The following NUP214 variants were observed in gnomAD, a reference collection of about 807,000 sequenced individuals.
NUP214 encodes nuclear pore complex protein Nup214.
A neutral mutation model predicts 196.2 loss-of-function variants in NUP214; 79 were observed. The observed-to-expected ratio is 0.40, with a 90% CI of 0.34 to 0.49. The LOEUF (loss-of-function observed/expected upper bound fraction) is 0.49. Ranked by LOEUF, NUP214 falls within the 20% of genes least tolerant of loss-of-function variation. The pLI is 0.58. For synonymous variants in NUP214, 1,020 were observed against 990.5 expected (o/e 1.03, Z -0.56); for missense variants, 2,468 against 2,539.0 (o/e 0.97, Z 0.60).
At chr9:131,131,516 G>C (rs189440339) in intron 5 of NUP214, among the ~76,000 whole-genome samples, 1 of 152,230 alleles carries the variant, frequency 6.6e-6, no homozygotes, top group Non-Finnish European at 1.5e-5. Flanking sequence ...GGAGCAGAGT[G>C]GTGAATGTAG....
chr9:131,201,064 TG>T (rs1564207772), intron 29 of NUP214, among the ~76,000 whole-genome samples: 2 of 148,922 alleles, frequency 1.3e-5, no homozygotes, highest in Admixed American at 6.8e-5. Context: ...CAATGAAAAA[TG>T]GTCTTTAAAG....
At chr9:131,148,676 C>T (rs944758707) in intron 14 of NUP214, among the ~76,000 whole-genome samples, 1 of 152,032 alleles carries the variant, frequency 6.6e-6, no homozygotes, top group African/African-American at 2.4e-5. Flanking sequence ...TGATTATTGG[C>T]CATTTGAATA....
At chr9:131,197,074 A>T in intron 28 of NUP214, 142 bp from the exon 29 acceptor site, 1 of 1,133,036 alleles carries the variant, frequency 8.8e-7, no homozygotes, top group Non-Finnish European at 1.2e-6. Flanking sequence ...CCACCTCCTT[A>T]GAGAAAGCTG....
At chr9:131,134,844 G>C in intron 7 of NUP214, 54 bp from the exon 8 acceptor site, 1 of 1,060,804 alleles carries the variant, frequency 9.4e-7, no homozygotes, top group Non-Finnish European at 1.5e-6. Flanking sequence ...TTTTGCTGTG[G>C]GATCTGAGAA....
At chr9:131,153,846 C>G (rs1168131300) in intron 17 of NUP214, among the ~76,000 whole-genome samples, 2 of 152,166 alleles carry the variant, frequency 1.3e-5, no homozygotes, top group Admixed American at 6.5e-5. Context: ...ACAATTCACT[C>G]GGGTTTGCAA....
intron 17 of NUP214, among the ~76,000 whole-genome samples, chr9:131,156,793 C>G (rs761456643): frequency 6.6e-6 from 1 of 152,042 alleles, no homozygotes; most frequent in Non-Finnish European, 1.5e-5. Context: ...GTTTGACTTT[C>G]TCTTTATCAG....
intron 5 of NUP214, among the ~76,000 whole-genome samples, chr9:131,131,869 T>C (rs1207000208): frequency 6.6e-6 from 1 of 151,740 alleles, no homozygotes; most frequent in Admixed American, 6.6e-5. Flanking sequence ...TTGTATTTTT[T>C]GTAGAGATAG....
rs10706351 is a variant in NUP214, at chr9:131,173,355, C to CTT, written c.2894-677_2894-676dup. On this transcript the variant is annotated intron_variant, in intron 21 of 35. Coordinates refer to ENST00000359428, the MANE Select transcript of NUP214 (RefSeq NM_005085.4). ...ACAGGCTTGAGCCACTGCACCCAGC[C>CTT]TTTTTTTTTTTTTTTTTTTTTTTTG... Among the ~76,000 whole-genome samples, 320 of 38,162 alleles carry CTT rather than the reference C, an allele frequency of 8.4e-3. 4 individuals are homozygous for CTT. The highest frequency in any genetic ancestry group is 0.027 in the African/African-American group (263 of 9,590). 25.0% of individuals were successfully genotyped at this position (38,162 alleles called of 152,430 possible). A position where few individuals can be genotyped will look rare whatever the true frequency, so the allele number is the denominator to read the frequency against.
chr9:131,138,228 G>A (rs1220099396), intron 9 of NUP214, among the ~76,000 whole-genome samples: 3 of 102,616 alleles, frequency 2.9e-5, no homozygotes, highest in African/African-American at 3.8e-5. Flanking sequence ...CCTCCCCTCC[G>A]CTCTCCTCCC....
chr9:131,147,492 C>G lies in NUP214; in HGVS notation c.1948C>G (p.Arg650Gly). The G allele has an allele frequency of 6.2e-7, 1 of 1,606,734 alleles. No individual in the cohort carries two copies. Among genetic ancestry groups the G allele is most frequent in the East Asian group, 2.2e-5 (1 of 44,720 alleles). Reference sequence around the variant, plus strand: ...TAACTGACTTCTTTTTCAAGCAGGACGATCTGCTCAGGGCAGTTCAAGCCC... The same window carrying G: ...TAACTGACTTCTTTTTCAAGCAGGAGGATCTGCTCAGGGCAGTTCAAGCCC... The part of the protein sequence containing the change: ...KSSVLPSPSG[R>G]SAQGSSSPVP... Residue 650 changes from arginine (R) to glycine (G), a missense_variant and splice_region_variant, in exon 14 of 36, where the codon CGA becomes GGA. Physicochemically the swap from Arg to Gly is moderately radical, Grantham distance 125. This residue lies in a region of NUP214 where 1,801 missense variants were observed against 1,779.4 expected (regional missense o/e 1.01). Coordinates refer to ENST00000359428, the MANE Select transcript of NUP214 (RefSeq NM_005085.4).
chr9:131,178,210 TC>T, intron 23 of NUP214, 100 bp from the exon 24 acceptor site: 1 of 809,288 alleles, frequency 1.2e-6, no homozygotes. Flanking sequence ...AAGGCTCTAA[TC>T]TGCTTGGGCT....
intron 23 of NUP214, among the ~76,000 whole-genome samples, chr9:131,176,821 T>G (rs1442935765): frequency 6.6e-6 from 1 of 152,160 alleles, no homozygotes; most frequent in Non-Finnish European, 1.5e-5. Context: ...TATCACTAGT[T>G]ATCAGTTTTA....
intron 31 of NUP214, among the ~76,000 whole-genome samples, chr9:131,219,053 G>C (rs532201220): frequency 2.0e-5 from 3 of 152,170 alleles, no homozygotes; most frequent in African/African-American, 7.2e-5. Flanking sequence ...AAATCCTGCA[G>C]CCCTTGGATT....
At chr9:131,214,674 G>A (rs1162812240) in intron 30 of NUP214, among the ~76,000 whole-genome samples, 1 of 152,136 alleles carries the variant, frequency 6.6e-6, no homozygotes, top group African/African-American at 2.4e-5. Flanking sequence ...ACAGAATTCA[G>A]CTTTGGTCAT....
chr9:131,134,314 A>G (rs1431464563), intron 7 of NUP214, among the ~76,000 whole-genome samples: 1 of 152,204 alleles, frequency 6.6e-6, no homozygotes, highest in Non-Finnish European at 1.5e-5. Flanking sequence ...GATGGAGAAA[A>G]TAAAGCCGTG....
intron 28 of NUP214, among the ~76,000 whole-genome samples, chr9:131,196,304 G>A (rs960793634): frequency 2.0e-5 from 3 of 151,670 alleles, no homozygotes; most frequent in East Asian, 1.9e-4. Context: ...GATTACAGGC[G>A]CCCACCACCA....
chr9:131,151,876 G>A lies in NUP214; in HGVS notation c.2418G>A (p.Lys806=), dbSNP rs1482978658. 6.2e-7 allele frequency: 1 copy of A among 1,610,666 alleles called. No homozygotes were observed. The highest frequency in any genetic ancestry group is 1.1e-5 in the South Asian group (1 of 90,426). The part of the protein sequence containing the change: ...HLLYKRPLDP[K]SEAQLQEIRR... ...TTTATAAAAGACCACTGGATCCCAA[G>A]AGTGAAGCTCAGCTTCAGGTAGGAG... The change falls in exon 17 of 36, where the codon AAG becomes AAA. Residue 806 remains lysine, a synonymous_variant. Transcript: ENST00000359428.
Position 131,125,655 on chromosome 9 carries a change from A to G in NUP214, c.-50A>G. ...GTCGAGCGGCCTGGGTTCCGTGGGC[A>G]AGGCCGTGGGAGGCAGCGTTGGCTG... On this transcript the variant is annotated 5_prime_UTR_variant, in exon 1 of 36. Transcript: ENST00000359428. The surrounding 1 kb of genome is among the most constrained non-coding windows in gnomAD (Gnocchi z 4.1). 1.3e-6 allele frequency: 2 copies of G among 1,544,194 alleles called. No individual in the cohort carries two copies. The highest frequency in any genetic ancestry group is 1.2e-5 in the South Asian group (1 of 83,588).
chr9:131,198,457 T>A lies in NUP214; in HGVS notation c.4963T>A (p.Ser1655Thr). The A allele has an allele frequency of 6.2e-7, 1 of 1,614,224 alleles. No individual in the cohort carries two copies. The highest frequency in any genetic ancestry group is 8.5e-7 in the Non-Finnish European group (1 of 1,180,036). Reference sequence around the variant, plus strand: ...TCAGCCTCCTGCTGCCAGTTCTAGCTCAGCTTTCAACCAGCTCACCAACAA... The same window carrying A: ...TCAGCCTCCTGCTGCCAGTTCTAGCACAGCTTTCAACCAGCTCACCAACAA... ...FAQPPAASSSSAFNQLTNNTA... is the reference protein window; with the variant it reads ...FAQPPAASSSTAFNQLTNNTA... The change falls in exon 29 of 36, where the codon TCA becomes ACA. Residue 1655 changes from serine (S) to threonine (T), a missense_variant. Transcript: ENST00000359428.
Sources: allele counts gnomAD v4.1 joint callset (sites outside exome capture counted in the v4.1 genomes callset), GRCh38; gene constraint gnomAD v4.1.1; regional missense constraint gnomAD v4.1.1; non-coding constraint Gnocchi (gnomAD v3.1); transcripts MANE v1.5; gene names NCBI Gene and HGNC (gene_info 2026-07-23, HGNC 2026-07-21).